Variants in MKX observed in about 807,000 individuals in gnomAD.
The protein encoded by MKX is homeobox protein Mohawk.
In MKX, 13 loss-of-function variants were observed where a neutral mutation model predicts 36.0. That is an observed-to-expected ratio of 0.36 (90% CI 0.24 to 0.57). The LOEUF (loss-of-function observed/expected upper bound fraction) is 0.57. MKX is among the 20% of genes least tolerant of loss of function. MKX has a pLI of 0.79. For missense variants in MKX, 458 were observed against 456.4 expected (o/e 1.00, Z -0.03); for synonymous variants, 176 against 178.3 (o/e 0.99, Z 0.10).
intron 3 of MKX, among the ~76,000 whole-genome samples, chr10:27,736,867 A>C (rs1354498098): frequency 3.9e-5 from 6 of 152,140 alleles, no homozygotes; most frequent in Non-Finnish European, 5.9e-5. Flanking sequence ...GCAATGACAT[A>C]TTATCTCACT....
chr10:27,726,475 T>A (rs1034876126), intron 5 of MKX, among the ~76,000 whole-genome samples: 1 of 152,162 alleles, frequency 6.6e-6, no homozygotes, highest in Non-Finnish European at 1.5e-5. Flanking sequence ...AAACAATAAA[T>A]CCCATTACTT....
intron 5 of MKX, among the ~76,000 whole-genome samples, chr10:27,715,136 A>G (rs932546321): frequency 6.6e-6 from 1 of 151,262 alleles, no homozygotes; most frequent in African/African-American, 2.4e-5. Flanking sequence ...GTTCCATGCA[A>G]TTGCTGTACT....
chr10:27,693,379 C>T (rs1454687986), intron 5 of MKX, among the ~76,000 whole-genome samples: 3 of 152,126 alleles, frequency 2.0e-5, no homozygotes, highest in Non-Finnish European at 4.4e-5. Flanking sequence ...ATTCAAACTA[C>T]AGTACTTAAG....
At chr10:27,689,258 C>T (rs577576473) in intron 5 of MKX, among the ~76,000 whole-genome samples, 91 of 152,266 alleles carry the variant, frequency 6.0e-4, no homozygotes, top group Admixed American at 1.0e-3. Context: ...GAGCGGCAAA[C>T]GGCAGTTTTT....
chr10:27,697,403 T>A (rs988806346), intron 5 of MKX, among the ~76,000 whole-genome samples: 6 of 152,246 alleles, frequency 3.9e-5, no homozygotes, highest in African/African-American at 1.2e-4. Flanking sequence ...CCTGTGATGA[T>A]AATAACAGTA....
Position 27,741,919 on chromosome 10 carries a change from C to T in MKX, c.189-415G>A, listed in dbSNP as rs1834908293. On this transcript the variant is annotated intron_variant, in intron 2 of 6. Coordinates refer to ENST00000419761, the MANE Select transcript of MKX (RefSeq NM_173576.3). This position sits in a 1 kb window ranked among gnomAD's most constrained non-coding sequence, Gnocchi z 5.1. Reference sequence around the variant, plus strand: ...GTATGCGGCTGGCTCTCGAAACTTCCCTCGGGGATCTCTTGTCTGCTCCCA... The same window carrying T: ...GTATGCGGCTGGCTCTCGAAACTTCTCTCGGGGATCTCTTGTCTGCTCCCA... 6.6e-6 allele frequency among the ~76,000 whole-genome samples: 1 copy of T among 152,208 alleles called. No homozygotes were observed. The highest frequency in any genetic ancestry group is 1.5e-5 in the Non-Finnish European group (1 of 68,054).
intron 5 of MKX, among the ~76,000 whole-genome samples, chr10:27,701,739 T>C (rs1015455574): frequency 4.8e-5 from 7 of 145,144 alleles, no homozygotes; most frequent in Non-Finnish European, 7.5e-5. Context: ...TATTATATTA[T>C]ATAGAGAATT....
intron 5 of MKX, among the ~76,000 whole-genome samples, chr10:27,715,292 C>A (rs1389900681): frequency 6.6e-6 from 1 of 152,176 alleles, no homozygotes; most frequent in Admixed American, 6.5e-5. Context: ...GATTCTAAGA[C>A]CAAAATGCCA....
At position 27,710,782 on chromosome 10, in the gene MKX, C is replaced by T. The variant is rs554486352; in HGVS notation, c.838+23674G>A. On this transcript the variant is annotated intron_variant, in intron 5 of 6. Transcript: ENST00000419761. ...CAAGTGATTCTTGTGCCTCAGCCTC[C>T]AAGTAGCTGGGATTAGAGGCATGAG... 2.6e-5 allele frequency among the ~76,000 whole-genome samples: 4 copies of T among 152,266 alleles called. No homozygotes were observed. In the East Asian group the frequency reaches 7.7e-4, roughly 29 times the overall value.
At position 27,676,102 on chromosome 10, in the gene MKX, T is replaced by A. The variant is rs533946198; in HGVS notation, c.839-548A>T. Reference sequence around the variant, plus strand: ...CTGCGCTACATAGTGAGACCTCATCTCTACTAAAAATAAAAATAAAAATAG... The same window carrying A: ...CTGCGCTACATAGTGAGACCTCATCACTACTAAAAATAAAAATAAAAATAG... On this transcript the variant is annotated intron_variant, in intron 5 of 6. Coordinates refer to ENST00000419761, the MANE Select transcript of MKX (RefSeq NM_173576.3). Among the ~76,000 whole-genome samples the A allele has an allele frequency of 3.3e-5, 5 of 152,084 alleles. No homozygotes were observed. In the East Asian group the frequency reaches 9.7e-4, roughly 29 times the overall value.
intron 5 of MKX, among the ~76,000 whole-genome samples, chr10:27,732,465 C>A (rs147596621): frequency 0.017 from 2,641 of 152,010 alleles, 33 homozygotes; most frequent in Non-Finnish European, 0.026. Context: ...TTTTTAAAAC[C>A]TTTTTTGTTT....
intron 5 of MKX, among the ~76,000 whole-genome samples, chr10:27,676,292 AAAG>A (rs916479826): frequency 1.6e-5 from 2 of 125,204 alleles, no homozygotes; most frequent in African/African-American, 6.1e-5. Context: ...TTAAAATAAA[AAAG>A]GGGGGGGTTC....
intron 4 of MKX, 29 bp from the exon 5 acceptor site, chr10:27,734,820 G>GTGGTA: frequency 1.3e-6 from 2 of 1,514,390 alleles, no homozygotes; most frequent in Non-Finnish European, 1.8e-6. Flanking sequence ...ACTAAGTAGG[G>GTGGTA]TGGTATGCAT....
chr10:27,717,359 C>T (rs1456447449), intron 5 of MKX, among the ~76,000 whole-genome samples: 1 of 152,180 alleles, frequency 6.6e-6, no homozygotes, highest in African/African-American at 2.4e-5. Context: ...AATACATATG[C>T]ATTAAAAACT....
At position 27,694,524 on chromosome 10, in the gene MKX, A is replaced by AT. The variant is rs1309653735; in HGVS notation, c.839-18971_839-18970insA. ...CGAAACCCCGTCTCTACTAAAAAAA[A>AT]AAAATATATATATATATATAAATTA... On this transcript the variant is annotated intron_variant, in intron 5 of 6. Coordinates refer to ENST00000419761, the MANE Select transcript of MKX (RefSeq NM_173576.3). Among the ~76,000 whole-genome samples the AT allele has an allele frequency of 2.9e-3, 126 of 43,024 alleles. 1 individual carries two copies. The highest frequency in any genetic ancestry group is 7.4e-3 in the African/African-American group (121 of 16,276). The allele number at this position is 43,024 out of a possible 152,430, so 28.2% of individuals were successfully genotyped here. A position where few individuals can be genotyped will look rare whatever the true frequency, so the allele number is the denominator to read the frequency against.
chr10:27,685,443 A>ATTTT (rs529959736), intron 5 of MKX, among the ~76,000 whole-genome samples: 1 of 112,834 alleles, frequency 8.9e-6, no homozygotes, highest in Non-Finnish European at 1.8e-5. Flanking sequence ...CAGCAGAGTG[A>ATTTT]TTTTTTTTTT....
In MKX at chr10:27,742,125, G is replaced by A. The variant is rs1006528687; in HGVS notation, c.189-621C>T. Among the ~76,000 whole-genome samples the A allele has an allele frequency of 3.3e-5, 5 of 152,234 alleles. No homozygotes were observed. The highest frequency in any genetic ancestry group is 7.3e-5 in the Non-Finnish European group (5 of 68,046). ...GAAAGCTGCAGAACCCAAAAACACC[G>A]TCGGGCCGTTTCCCGACTAAGGGAG... On this transcript the variant is annotated intron_variant, in intron 2 of 6. Coordinates refer to ENST00000419761, the MANE Select transcript of MKX (RefSeq NM_173576.3). The surrounding 1 kb of genome is among the most constrained non-coding windows in gnomAD (Gnocchi z 4.2).
chr10:27,703,743 T>C (rs1836703253), intron 5 of MKX, among the ~76,000 whole-genome samples: 1 of 151,814 alleles, frequency 6.6e-6, no homozygotes, highest in Non-Finnish European at 1.5e-5. Flanking sequence ...TACTAAAAAA[T>C]ACAAAAATTA....
chr10:27,738,399 T>A (rs1449115256), intron 3 of MKX, among the ~76,000 whole-genome samples: 2 of 152,084 alleles, frequency 1.3e-5, no homozygotes, highest in Non-Finnish European at 2.9e-5. Context: ...CCACTTTTAA[T>A]CTACTATGGA....
Sources: allele counts gnomAD v4.1 joint callset (sites outside exome capture counted in the v4.1 genomes callset), GRCh38; gene constraint gnomAD v4.1.1; non-coding constraint Gnocchi (gnomAD v3.1); transcripts MANE v1.5; gene names NCBI Gene and HGNC (gene_info 2026-07-23, HGNC 2026-07-21).